Variants in LARGE1 observed in about 807,000 individuals in gnomAD.
LARGE1 encodes the protein xylosyl- and glucuronyltransferase LARGE1.
A neutral mutation model predicts 87.6 loss-of-function variants in LARGE1; 43 were observed. That is an observed-to-expected ratio of 0.49 (90% CI 0.38 to 0.63). LARGE1 has a LOEUF of 0.63. Among genes scored for constraint, LARGE1 ranks in the 30% least tolerant of loss-of-function variants. The pLI is 0.00. For missense variants in LARGE1, 802 were observed against 1,000.2 expected, an observed-to-expected ratio of 0.80 and a Z score of 2.67; for synonymous variants, 434 against 394.6, an observed-to-expected ratio of 1.10 and a Z score of -1.18.
chr22:33,357,478 C>T (rs934177021), intron 9 of LARGE1, among the ~76,000 whole-genome samples: 7 of 152,146 alleles, frequency 4.6e-5, no homozygotes, highest in African/African-American at 1.7e-4. Flanking sequence ...TGTAACAAAA[C>T]TGCACTTGTA....
At chr22:33,640,492 G>C (rs1203860973) in intron 3 of LARGE1, among the ~76,000 whole-genome samples, 1 of 152,082 alleles carries the variant, frequency 6.6e-6, no homozygotes, top group African/African-American at 2.4e-5. Context: ...AAGTTATACC[G>C]AAAGTCAACA....
chr22:33,690,388 T>G (rs1437210518), intron 2 of LARGE1, among the ~76,000 whole-genome samples: 3 of 152,150 alleles, frequency 2.0e-5, no homozygotes, highest in Admixed American at 6.5e-5. Flanking sequence ...GTAAGTGCTA[T>G]GTGAACGTAA....
chr22:33,533,462 G>C (rs16992492), intron 6 of LARGE1, among the ~76,000 whole-genome samples: 6,769 of 152,046 alleles, frequency 0.045, 484 homozygotes, highest in African/African-American at 0.16. Flanking sequence ...AGGCTGCCTC[G>C]ATTGGCATAC....
intron 11 of LARGE1, among the ~76,000 whole-genome samples, chr22:33,230,006 T>C (rs1279968690): frequency 1.4e-5 from 1 of 72,070 alleles, no homozygotes; most frequent in East Asian, 3.7e-4. Flanking sequence ...TCAAAGTTCT[T>C]TTTTTTTTTT....
chr22:33,530,170 T>C (rs965993069), intron 6 of LARGE1, among the ~76,000 whole-genome samples: 4 of 152,196 alleles, frequency 2.6e-5, no homozygotes, highest in African/African-American at 9.7e-5. Context: ...TGCTTCCTGT[T>C]TGGGACTCTG....
chr22:33,372,449 G>A (rs1156907537), intron 9 of LARGE1, among the ~76,000 whole-genome samples: 1 of 152,170 alleles, frequency 6.6e-6, no homozygotes, highest in African/African-American at 2.4e-5. Context: ...GGGACTCACA[G>A]TTCCACGTGG....
At chr22:33,365,246 T>C (rs888948345) in intron 9 of LARGE1, among the ~76,000 whole-genome samples, 2 of 152,052 alleles carry the variant, frequency 1.3e-5, no homozygotes, top group African/African-American at 4.8e-5. Flanking sequence ...ACCTATTACA[T>C]CCAAGACCCA....
At chr22:33,128,617 T>G in the LARGE1 span, among the ~76,000 whole-genome samples, 1 of 146,196 alleles carries the variant, frequency 6.8e-6, no homozygotes, top group East Asian at 2.0e-4. Context: ...GAGGGTGCAG[T>G]GAGCCGAGAT....
chr22:33,681,497 C>G (rs1341910075), intron 2 of LARGE1, among the ~76,000 whole-genome samples: 2 of 152,154 alleles, frequency 1.3e-5, no homozygotes, highest in Non-Finnish European at 2.9e-5. Context: ...CTACCTCATA[C>G]AGGTATAGTG....
At chr22:33,281,801 T>A (rs1930491804) in intron 13 of LARGE1, among the ~76,000 whole-genome samples, 1 of 152,158 alleles carries the variant, frequency 6.6e-6, no homozygotes, top group African/African-American at 2.4e-5. Context: ...TTCATCTGTA[T>A]AAAATGTGAA....
At chr22:33,433,949 A>C (rs2067175680) in intron 6 of LARGE1, among the ~76,000 whole-genome samples, 1 of 152,226 alleles carries the variant, frequency 6.6e-6, no homozygotes. Context: ...CACCCCGGGC[A>C]CAAATACATA....
At chr22:33,322,474 A>G (rs747279197) in intron 10 of LARGE1, 1 of 152,250 alleles carries the variant, frequency 6.6e-6, no homozygotes, top group African/African-American at 2.4e-5. Flanking sequence ...GGTTATGATT[A>G]TATCATGTAC....
chr22:33,437,467 A>T lies in LARGE1; in HGVS notation c.788-5202T>A, dbSNP rs557527339. On this transcript the variant is annotated intron_variant, in intron 6 of 14. Coordinates refer to ENST00000397394, the MANE Select transcript of LARGE1 (RefSeq NM_133642.5). ...ATAGAGATAGTAAGTAACATACCTA[A>T]TTTTTTTTTTCCTCTAAGCACAAGT... 2.7e-5 allele frequency among the ~76,000 whole-genome samples: 4 copies of T among 150,652 alleles called. No individual in the cohort carries two copies. The South Asian group carries it at 8.4e-4, about 32-fold the overall frequency.
chr22:33,425,947 C>T (rs1204996428), intron 7 of LARGE1, among the ~76,000 whole-genome samples: 1 of 152,052 alleles, frequency 6.6e-6, no homozygotes, highest in Non-Finnish European at 1.5e-5. Flanking sequence ...AGGGTTTCAC[C>T]ATGTTAGCCA....
chr22:33,641,452 C>T (rs1474062048), intron 3 of LARGE1, among the ~76,000 whole-genome samples: 3 of 152,030 alleles, frequency 2.0e-5, no homozygotes, highest in Non-Finnish European at 1.5e-5. Flanking sequence ...CTGAAAATAA[C>T]AAAAACCAGA....
At chr22:33,299,049 T>C (rs558720174) in intron 12 of LARGE1, among the ~76,000 whole-genome samples, 1 of 149,868 alleles carries the variant, frequency 6.7e-6, no homozygotes, top group East Asian at 2.0e-4. Context: ...TCTTTACAAA[T>C]GGTAAAAAAA....
chr22:33,404,760 C>A (rs189846835), intron 7 of LARGE1, among the ~76,000 whole-genome samples: 2 of 152,338 alleles, frequency 1.3e-5, no homozygotes, highest in African/African-American at 4.8e-5. Context: ...TTTCCTTGAT[C>A]ACTTTTGCAG....
intron 2 of LARGE1, among the ~76,000 whole-genome samples, chr22:33,674,395 T>C (rs1273728410): frequency 6.6e-6 from 1 of 152,202 alleles, no homozygotes; most frequent in African/African-American, 2.4e-5. Flanking sequence ...ATCATGTCCT[T>C]AACTGGAATC....
At chr22:33,612,778 T>A (rs950054120) in intron 4 of LARGE1, among the ~76,000 whole-genome samples, 2 of 152,150 alleles carry the variant, frequency 1.3e-5, no homozygotes, top group Non-Finnish European at 1.5e-5. Flanking sequence ...CAGACAAGGT[T>A]TGGAGGCTCA....
Sources: gnomAD v4.1 joint callset for allele counts (sites outside exome capture counted in the v4.1 genomes callset) on GRCh38, gnomAD v4.1.1 for gene constraint, MANE v1.5 for transcripts, NCBI Gene and HGNC (gene_info 2026-07-23, HGNC 2026-07-21) for gene names.